Variants in IQCM observed in about 807,000 individuals in gnomAD.
The protein encoded by IQCM is IQ domain-containing protein M.
Under a neutral mutation model 57.6 loss-of-function variants are expected in IQCM, and 45 were observed. The observed-to-expected ratio is 0.78, with a 90% confidence interval of 0.62 to 1.00. The LOEUF (loss-of-function observed/expected upper bound fraction) is 1.00. Among genes scored for constraint, IQCM ranks in the 50% least tolerant of loss-of-function variants. The pLI, the probability that IQCM is intolerant of heterozygous loss-of-function variation, is 0.00. For synonymous variants in IQCM, 148 were observed against 158.9 expected (o/e 0.93, Z 0.51); for missense variants, 468 against 511.6 (o/e 0.91, Z 0.82).
intron 13 of IQCM, among the ~76,000 whole-genome samples, chr4:149,421,168 C>G (rs1734094728): frequency 2.0e-5 from 3 of 152,158 alleles, no homozygotes; most frequent in East Asian, 3.9e-4. Context: ...TTCTTTTTGT[C>G]TCTACATTGC....
chr4:149,804,850 C>T (rs992519905), intron 2 of IQCM, among the ~76,000 whole-genome samples: 4 of 151,892 alleles, frequency 2.6e-5, no homozygotes, highest in African/African-American at 9.7e-5. Context: ...CCCTCTTTTC[C>T]ACGGACACTT....
intron 7 of IQCM, among the ~76,000 whole-genome samples, chr4:149,628,529 A>G (rs1322701718): frequency 6.6e-6 from 1 of 152,130 alleles, no homozygotes; most frequent in Non-Finnish European, 1.5e-5. Flanking sequence ...GAATTATAAG[A>G]GAGAAGATTA....
chr4:149,584,056 A>G (rs1752448476), intron 9 of IQCM, among the ~76,000 whole-genome samples: 2 of 151,652 alleles, frequency 1.3e-5, no homozygotes, highest in Admixed American at 1.3e-4. Context: ...AAAAATTAAG[A>G]ACAACATTTA....
At chr4:149,721,290 T>C (rs1381316824) in intron 5 of IQCM, among the ~76,000 whole-genome samples, 2 of 152,140 alleles carry the variant, frequency 1.3e-5, no homozygotes, top group Non-Finnish European at 2.9e-5. Context: ...TTTCTTTTAT[T>C]TATATTTTTT....
In IQCM at chr4:149,450,415, G is replaced by A. The variant is rs536412540; in HGVS notation, c.1229-16858C>T. Among the ~76,000 whole-genome samples, 18 of 151,830 alleles carry A rather than the reference G, an allele frequency of 1.2e-4. No individual in the cohort carries two copies. The South Asian group carries it at 3.7e-3, about 31-fold the overall frequency. Reference sequence around the variant, plus strand: ...CACAGCAAAGTAAACAGTCATCAAAGTGAGAAAACACACATAGAATGGTAG... The same window carrying A: ...CACAGCAAAGTAAACAGTCATCAAAATGAGAAAACACACATAGAATGGTAG... On this transcript the variant is annotated intron_variant, in intron 12 of 13. Coordinates refer to ENST00000636793, the MANE Select transcript of IQCM (RefSeq NM_001363507.2).
chr4:149,558,390 C>G (rs1749787136), intron 10 of IQCM, among the ~76,000 whole-genome samples: 1 of 152,124 alleles, frequency 6.6e-6, no homozygotes, highest in Non-Finnish European at 1.5e-5. Flanking sequence ...ATCCTTCACT[C>G]TCTTGAAAAT....
chr4:149,699,265 CTCA>C (rs766824809), intron 5 of IQCM, among the ~76,000 whole-genome samples: 6 of 152,064 alleles, frequency 3.9e-5, no homozygotes, highest in Non-Finnish European at 4.4e-5. Context: ...TACAAAAGTG[CTCA>C]TCAAGTCTTT....
rs1419786688 is a variant in IQCM at position 149,489,786 on chromosome 4, T to TAC, written c.1229-56231_1229-56230dup. Reference sequence around the variant, plus strand: ...ACATATATGTGTGTGTGTATATATATACACACACACATATATATGCATATC... The same window carrying TAC: ...ACATATATGTGTGTGTGTATATATATACACACACACACATATATATGCATATC... On this transcript the variant is annotated intron_variant, in intron 12 of 13. Coordinates refer to ENST00000636793, the MANE Select transcript of IQCM (RefSeq NM_001363507.2). Among the ~76,000 whole-genome samples, 10 of 151,594 alleles carry TAC rather than the reference T, an allele frequency of 6.6e-5. No homozygotes were observed. The East Asian group carries it at 1.2e-3, about 18-fold the overall frequency.
chr4:149,792,296 C>G (rs1772700683), intron 2 of IQCM, among the ~76,000 whole-genome samples: 1 of 152,000 alleles, frequency 6.6e-6, no homozygotes, highest in African/African-American at 2.4e-5. Context: ...GCATTTTTAA[C>G]TACTTTTGCT....
intron 8 of IQCM, among the ~76,000 whole-genome samples, chr4:149,593,051 A>G (rs1238243018): frequency 1.3e-5 from 2 of 152,164 alleles, no homozygotes; most frequent in African/African-American, 2.4e-5. Flanking sequence ...CTTGGGCAGT[A>G]TGGCCATTTT....
At chr4:149,669,593 G>T (rs914825104) in intron 7 of IQCM, among the ~76,000 whole-genome samples, 1 of 152,072 alleles carries the variant, frequency 6.6e-6, no homozygotes, top group Non-Finnish European at 1.5e-5. Flanking sequence ...TTTCTTCTAG[G>T]GTTTTTATGG....
chr4:149,544,658 T>C (rs981083400), intron 12 of IQCM, among the ~76,000 whole-genome samples: 4 of 152,270 alleles, frequency 2.6e-5, no homozygotes, highest in African/African-American at 7.2e-5. Flanking sequence ...TAAAAAGCTA[T>C]TGTATTCAAA....
chr4:149,549,386 C>T (rs924064656), intron 11 of IQCM, among the ~76,000 whole-genome samples: 12 of 151,270 alleles, frequency 7.9e-5, no homozygotes. Context: ...GGCGTAGTGG[C>T]GGGCGCCTGT....
intron 10 of IQCM, among the ~76,000 whole-genome samples, chr4:149,557,535 G>T (rs1412720718): frequency 6.6e-6 from 1 of 152,158 alleles, no homozygotes; most frequent in African/African-American, 2.4e-5. Context: ...GCATCTCTCT[G>T]CCATTTTCTG....
At chr4:149,752,994 G>C (rs1428403625) in intron 2 of IQCM, among the ~76,000 whole-genome samples, 1 of 152,130 alleles carries the variant, frequency 6.6e-6, no homozygotes, top group East Asian at 1.9e-4. Context: ...GGAGCCCCAA[G>C]GAACCAATAT....
chr4:149,476,445 G>A (rs1037839345), intron 12 of IQCM, among the ~76,000 whole-genome samples: 2 of 152,132 alleles, frequency 1.3e-5, no homozygotes, highest in African/African-American at 4.8e-5. Context: ...TTTGAAGGCA[G>A]AAAGCGATCA....
At chr4:149,462,957 TTC>T (rs933042690) in intron 12 of IQCM, among the ~76,000 whole-genome samples, 36 of 152,320 alleles carry the variant, frequency 2.4e-4, no homozygotes, top group African/African-American at 7.9e-4. Context: ...TAAATAAAAG[TTC>T]TCTGTCCCTT....
At chr4:149,727,580 C>T (rs1473873623) in intron 5 of IQCM, among the ~76,000 whole-genome samples, 1 of 152,114 alleles carries the variant, frequency 6.6e-6, no homozygotes, top group Non-Finnish European at 1.5e-5. Flanking sequence ...ATACTGGTTG[C>T]TTAACTGTCC....
intron 5 of IQCM, among the ~76,000 whole-genome samples, chr4:149,728,736 A>G (rs1454711292): frequency 6.6e-6 from 1 of 152,178 alleles, no homozygotes; most frequent in Non-Finnish European, 1.5e-5. Context: ...AAGTTTGATG[A>G]GCATCTATCC....
Sources: allele counts gnomAD v4.1 joint callset (sites outside exome capture counted in the v4.1 genomes callset), GRCh38; gene constraint gnomAD v4.1.1; transcripts MANE v1.5; gene names NCBI Gene and HGNC (gene_info 2026-07-23, HGNC 2026-07-21).